PPARGC1A: variants seen among roughly 807,000 people sequenced by gnomAD.
PPARGC1A encodes PPARG coactivator 1 alpha, also known as peroxisome proliferator-activated receptor gamma coactivator 1-alpha.
Under a neutral mutation model 88.7 loss-of-function variants are expected in PPARGC1A, and 25 were observed. The observed-to-expected ratio is 0.28, with a 90% CI of 0.21 to 0.39. The LOEUF is 0.39. Among genes scored for constraint, PPARGC1A ranks in the 10% least tolerant of loss-of-function variants. The pLI is 1.00. For missense variants in PPARGC1A, 880 were observed against 968.7 expected, an observed-to-expected ratio of 0.91 and a Z score of 1.22; for synonymous variants, 363 against 355.6, an observed-to-expected ratio of 1.02 and a Z score of -0.24.
chr4:23,889,374 A>G (rs1717449218), intron 1 of PPARGC1A: 2 of 984,914 alleles, frequency 2.0e-6, no homozygotes, highest in Non-Finnish European at 2.4e-6. Context: ...GTTCTGTGGG[A>G]AAAGCAATCT....
At chr4:24,416,965 G>A in the PPARGC1A span, among the ~76,000 whole-genome samples, 3 of 151,198 alleles carry the variant, frequency 2.0e-5, no homozygotes. Flanking sequence ...AGGAGGCGGA[G>A]GTTGCAGTGA....
the PPARGC1A span, among the ~76,000 whole-genome samples, chr4:24,329,099 A>C: frequency 1.1e-4 from 16 of 151,978 alleles, no homozygotes. Flanking sequence ...CGGGCTGACA[A>C]ATGTGGAACG....
At chr4:24,418,870 T>C in the PPARGC1A span, among the ~76,000 whole-genome samples, 2 of 152,222 alleles carry the variant, frequency 1.3e-5, no homozygotes, top group Non-Finnish European at 2.9e-5. Context: ...TTCCTCATCT[T>C]TCACTATTTA....
At chr4:24,357,760 G>T in the PPARGC1A span, among the ~76,000 whole-genome samples, 1 of 152,128 alleles carries the variant, frequency 6.6e-6, no homozygotes, top group Non-Finnish European at 1.5e-5. Flanking sequence ...CATGATATCT[G>T]ATGGTTTTTT....
At chr4:24,343,807 T>C in the PPARGC1A span, among the ~76,000 whole-genome samples, 1 of 152,104 alleles carries the variant, frequency 6.6e-6, no homozygotes, top group African/African-American at 2.4e-5. Flanking sequence ...GTAAGTTCTT[T>C]AGTGGTGATT....
chr4:24,095,637 C>A, the PPARGC1A span, among the ~76,000 whole-genome samples: 2 of 152,146 alleles, frequency 1.3e-5, no homozygotes, highest in Admixed American at 1.3e-4. Flanking sequence ...AGGAGAGAGG[C>A]AGTGTCCTAG....
chr4:23,841,943 T>C (rs925266061), intron 2 of PPARGC1A, among the ~76,000 whole-genome samples: 6 of 152,058 alleles, frequency 3.9e-5, no homozygotes, highest in African/African-American at 1.4e-4. Flanking sequence ...TTTAACCCTA[T>C]TATTATGTCC....
chr4:24,237,107 A>C, the PPARGC1A span, among the ~76,000 whole-genome samples: 3 of 152,170 alleles, frequency 2.0e-5, no homozygotes, highest in African/African-American at 7.2e-5. Flanking sequence ...CTATGGTTTT[A>C]TTAGATTTGT....
chr4:23,899,755 C>T (rs1434881094), upstream of PPARGC1A, among the ~76,000 whole-genome samples: 1 of 152,058 alleles, frequency 6.6e-6, no homozygotes, highest in East Asian at 1.9e-4. Flanking sequence ...GAGAGGTTGC[C>T]ATGGGTGGTG....
chr4:24,404,967 C>CAAT, the PPARGC1A span, among the ~76,000 whole-genome samples: 1 of 152,102 alleles, frequency 6.6e-6, no homozygotes, highest in African/African-American at 2.4e-5. Context: ...TGATCACTTA[C>CAAT]GCACACTTTC....
the PPARGC1A span, among the ~76,000 whole-genome samples, chr4:24,162,061 G>A: frequency 2.7e-5 from 4 of 150,488 alleles, no homozygotes; most frequent in East Asian, 2.0e-4. Flanking sequence ...AATGGCATTC[G>A]CAGCAACCTG....
the PPARGC1A span, among the ~76,000 whole-genome samples, chr4:24,036,963 T>C: frequency 2.6e-5 from 4 of 152,096 alleles, no homozygotes; most frequent in Admixed American, 6.6e-5. Context: ...TATTTGCTAG[T>C]TATCTACACA....
the PPARGC1A span, among the ~76,000 whole-genome samples, chr4:24,159,713 T>G: frequency 6.6e-6 from 1 of 152,210 alleles, no homozygotes; most frequent in African/African-American, 2.4e-5. Flanking sequence ...GTCAGTTCCC[T>G]TCCTCTCTGT....
chr4:23,894,301 G>C (rs1355941510), upstream of PPARGC1A, among the ~76,000 whole-genome samples: 2 of 152,036 alleles, frequency 1.3e-5, no homozygotes, highest in African/African-American at 4.8e-5. Flanking sequence ...AATTCCTAGA[G>C]GGACTAATTG....
Position 23,801,730 on chromosome 4 carries a change from C to T in PPARGC1A, c.2293G>A (p.Asp765Asn). 6.2e-7 allele frequency: 1 copy of T among 1,613,940 alleles called. No individual in the cohort carries two copies. The change falls in exon 12 of 13, where the codon GAT becomes AAT. Residue 765 changes from aspartate to asparagine, a missense_variant and splice_region_variant. By Grantham distance (23) the Asp-to-Asn change is conservative (BLOSUM62 1). Coordinates refer to ENST00000264867, the MANE Select transcript of PPARGC1A (RefSeq NM_013261.5). ...QFFKSNYADL[D>N]SNSDDFDPAS... ...ATTCCACGTACAATAAAATCCATAC[C>T]TAGGTCTGCATAGTTAGACTTGAAA... is the stretch of plus-strand genomic sequence containing the variant.
chr4:24,050,466 G>A, the PPARGC1A span, among the ~76,000 whole-genome samples: 3 of 152,014 alleles, frequency 2.0e-5, no homozygotes, highest in African/African-American at 7.3e-5. Flanking sequence ...AAAGTGCTGG[G>A]ATTACAGGCG....
At chr4:23,820,894 G>C (rs766382422) in intron 7 of PPARGC1A, among the ~76,000 whole-genome samples, 14 of 152,104 alleles carry the variant, frequency 9.2e-5, no homozygotes, top group Admixed American at 2.0e-4. Flanking sequence ...ACACCAGAAG[G>C]CCTGAGCCAA....
the PPARGC1A span, among the ~76,000 whole-genome samples, chr4:24,141,542 A>C: frequency 6.6e-6 from 1 of 152,220 alleles, no homozygotes; most frequent in African/African-American, 2.4e-5. Context: ...CATGCCATTC[A>C]AGGAATTGCT....
chr4:24,272,692 A>G, the PPARGC1A span, among the ~76,000 whole-genome samples: 2 of 152,230 alleles, frequency 1.3e-5, no homozygotes, highest in Non-Finnish European at 2.9e-5. Flanking sequence ...GTCATCATAA[A>G]GCGTCTTTCC....
Sources: allele counts gnomAD v4.1 joint callset (sites outside exome capture counted in the v4.1 genomes callset), GRCh38; gene constraint gnomAD v4.1.1; transcripts MANE v1.5; gene names NCBI Gene and HGNC (gene_info 2026-07-23, HGNC 2026-07-21).